The following LSP1 variants were observed in gnomAD, a reference collection of about 807,000 sequenced individuals.
LSP1 encodes lymphocyte-specific protein 1.
In LSP1, 32 loss-of-function variants were observed where a neutral mutation model predicts 49.3. The ratio of observed to expected loss-of-function variants is 0.65; its 90% CI spans 0.49 to 0.87. The LOEUF (loss-of-function observed/expected upper bound fraction) is 0.87, where lower values mean the gene tolerates loss of function less well. Ranked by LOEUF, LSP1 falls within the 40% of genes least tolerant of loss-of-function variation. LSP1 has a pLI of 0.00. For missense variants in LSP1, 428 were observed against 442.6 expected, an observed-to-expected ratio of 0.97 and a Z score of 0.30; for synonymous variants, 179 against 178.8, an observed-to-expected ratio of 1.00 and a Z score of -0.01.
chr11:1,876,889 C>T (rs933549510), intron 1 of LSP1, among the ~76,000 whole-genome samples: 4 of 152,048 alleles, frequency 2.6e-5, no homozygotes, highest in Admixed American at 6.5e-5. Flanking sequence ...GGCCAGGCCC[C>T]GAAGTGGAGC....
chr11:1,861,319 T>C (rs935651085), intron 1 of LSP1, among the ~76,000 whole-genome samples: 1 of 152,254 alleles, frequency 6.6e-6, no homozygotes, highest in Admixed American at 6.5e-5. Flanking sequence ...GACCTTTATT[T>C]ATTTATGTGT....
rs758898938 is a variant in LSP1 at position 1,884,420 on chromosome 11, G to A, written c.636-80G>A. The A allele has an allele frequency of 3.1e-6, 5 of 1,605,866 alleles. No individual in the cohort carries two copies. Among genetic ancestry groups the A allele is most frequent in the Non-Finnish European group, 4.3e-6 (5 of 1,172,594 alleles). ...ACAAGGTAGAGATCTGGAGACCGAG[G>A]GGGGCTCTGGGAGAGGCTTGGGCAG... On this transcript the variant is annotated intron_variant, in intron 6 of 10. Coordinates refer to ENST00000311604, the MANE Select transcript of LSP1 (RefSeq NM_002339.3). The surrounding 1 kb of genome is among the most constrained non-coding windows in gnomAD (Gnocchi z 4.1).
At chr11:1,867,987 C>T (rs1178150198) in intron 1 of LSP1, among the ~76,000 whole-genome samples, 2 of 152,220 alleles carry the variant, frequency 1.3e-5, no homozygotes, top group African/African-American at 2.4e-5. Flanking sequence ...GGCTGACCTA[C>T]CCCCAATGCC....
intron 1 of LSP1, chr11:1,866,595 CT>C: frequency 6.5e-7 from 1 of 1,550,042 alleles, no homozygotes; most frequent in East Asian, 2.4e-5. Flanking sequence ...CCCCCTACCC[CT>C]GGCCCCCCAT....
intron 1 of LSP1, among the ~76,000 whole-genome samples, chr11:1,864,993 G>C (rs1847739095): frequency 6.6e-6 from 1 of 152,058 alleles, no homozygotes; most frequent in African/African-American, 2.4e-5. Context: ...GCCAGCGAGA[G>C]ACCGAGGGCC....
At chr11:1,871,039 C>T (rs1475621811) in intron 1 of LSP1, 16 of 985,480 alleles carry the variant, frequency 1.6e-5, no homozygotes, top group Middle Eastern at 5.2e-4. Flanking sequence ...TGCATGTAGA[C>T]GCATGCGAGG....
chr11:1,858,265 G>T (rs1317978301), intron 1 of LSP1, among the ~76,000 whole-genome samples: 1 of 152,160 alleles, frequency 6.6e-6, no homozygotes. Context: ...GGCACCAGGA[G>T]GGAGCTGGGC....
At chr11:1,881,058 T>G in intron 2 of LSP1, 1 of 166,916 alleles carries the variant, frequency 6.0e-6, no homozygotes, top group South Asian at 1.5e-4. Context: ...CACAGCCCTG[T>G]CCTCAGGGAG....
rs892346460 is a variant in LSP1 at position 1,889,232 on chromosome 11, C to T, written c.*13+1656C>T. 5.0e-5 allele frequency: 34 copies of T among 674,026 alleles called. No homozygotes were observed. In the Admixed American group the frequency reaches 7.3e-4, roughly 15 times the overall value. 41.8% of individuals were successfully genotyped at this position (674,026 alleles called of 1,614,324 possible). A position where few individuals can be genotyped will look rare whatever the true frequency, so the allele number is the denominator to read the frequency against. ...GGATGGAGCGGACTGTGGGAGGGGG[C>T]CGGGTGGCCTCCTGCAGCTTCCGGG... On this transcript the variant is annotated intron_variant, in intron 10 of 10. Transcript: ENST00000311604.
At chr11:1,876,514 C>T (rs1368790581) in intron 1 of LSP1, 1 of 985,548 alleles carries the variant, frequency 1.0e-6, no homozygotes. Context: ...AGAGGACGGA[C>T]CCTCTCCAGC....
At position 1,864,574 on chromosome 11, in the gene LSP1, G is replaced by A. The variant is rs573148867; in HGVS notation, c.53+11377G>A. On this transcript the variant is annotated intron_variant, in intron 1 of 10. Transcript: ENST00000311604. ...ACGCTGCTGGGCTGGGAGAGTTTTC[G>A]CTCTGACATTTTTACTCTTCTCGGA... 1.6e-3 allele frequency among the ~76,000 whole-genome samples: 249 copies of A among 152,152 alleles called. 1 individual carries two copies. The highest frequency in any genetic ancestry group is 6.8e-3 in the Middle Eastern group (2 of 294).
intron 10 of LSP1, chr11:1,889,885 T>C (rs11041692): frequency 0.92 from 574,823 of 627,426 alleles, 263,920 homozygotes; most frequent in East Asian, 1. Flanking sequence ...GCCTGGACTG[T>C]GGTGGGCAGT....
chr11:1,886,631 G>A, intron 7 of LSP1, 101 bp from the exon 8 acceptor site: 1 of 1,373,278 alleles, frequency 7.3e-7, no homozygotes, highest in African/African-American at 1.5e-5. Context: ...CGCTCCCAGG[G>A]AAAACACAAA....
intron 10 of LSP1, chr11:1,890,791 C>G (rs918684257): frequency 1.7e-5 from 10 of 593,286 alleles, no homozygotes; most frequent in Middle Eastern, 4.4e-4. Context: ...CCACCATCAC[C>G]CTAGTGTAGA....
intron 1 of LSP1, 67 bp downstream of exon 1, chr11:1,853,264 T>G (rs953692209): frequency 1.3e-6 from 2 of 1,522,478 alleles, no homozygotes; most frequent in Non-Finnish European, 1.8e-6. Flanking sequence ...TTGAGCTGCA[T>G]GGAGGGTGGA....
chr11:1,862,626 G>A (rs181644240), intron 1 of LSP1, among the ~76,000 whole-genome samples: 2 of 152,038 alleles, frequency 1.3e-5, no homozygotes, highest in African/African-American at 4.8e-5. Context: ...CTCCCTGAGT[G>A]ATCTCAGTTT....
In LSP1 at chr11:1,881,395, A is replaced by C. The variant is rs754021431; in HGVS notation, c.192-37A>C. 2.0e-6 allele frequency: 3 copies of C among 1,524,948 alleles called. No individual in the cohort carries two copies. The South Asian group carries it at 3.7e-5, about 19-fold the overall frequency. 94.5% of individuals were successfully genotyped at this position (1,524,948 alleles called of 1,614,324 possible). A position where few individuals can be genotyped will look rare whatever the true frequency, so the allele number is the denominator to read the frequency against. ...GTGGGCCCTGGGCAGAGGAGGCAGCAGCCGCCCAGGCCTAAGCTCCCCCCT... is the reference window on the plus strand; with the variant it reads ...GTGGGCCCTGGGCAGAGGAGGCAGCCGCCGCCCAGGCCTAAGCTCCCCCCT... On this transcript the variant is annotated intron_variant, in intron 2 of 10. Coordinates refer to ENST00000311604, the MANE Select transcript of LSP1 (RefSeq NM_002339.3).
Position 1,884,627 on chromosome 11 carries a change from G to C in LSP1, c.717+46G>C. On this transcript the variant is annotated intron_variant, in intron 7 of 10. Transcript: ENST00000311604. This position sits in a 1 kb window ranked among gnomAD's most constrained non-coding sequence, Gnocchi z 4.1. ...GCTGTCAGGTCCCTCCTGCATCCTG[G>C]CACCATTCCTTCATCCAACCAACGC... 6.5e-7 allele frequency: 1 copy of C among 1,531,788 alleles called. No individual in the cohort carries two copies. The highest frequency in any genetic ancestry group is 1.1e-5 in the South Asian group (1 of 88,954). The allele number at this position is 1,531,788 out of a possible 1,614,324, so 94.9% of individuals were successfully genotyped here. A position where few individuals can be genotyped will look rare whatever the true frequency, so the allele number is the denominator to read the frequency against.
At chr11:1,859,617 C>G (rs1169729253) in intron 1 of LSP1, 1 of 154,128 alleles carries the variant, frequency 6.5e-6, no homozygotes, top group African/African-American at 2.4e-5. Flanking sequence ...TTTAGCCTTT[C>G]TCTTAGACCC....
Sources: gnomAD v4.1 joint callset for allele counts (sites outside exome capture counted in the v4.1 genomes callset) on GRCh38, gnomAD v4.1.1 for gene constraint, Gnocchi (gnomAD v3.1) non-coding constraint, MANE v1.5 for transcripts, NCBI Gene and HGNC (gene_info 2026-07-23, HGNC 2026-07-21) for gene names.